SLC25A26: variants seen among roughly 807,000 people sequenced by gnomAD.
SLC25A26 encodes the protein solute carrier family 25 member 26.
In SLC25A26, 36 loss-of-function variants were observed where a neutral mutation model predicts 37.8. That is an observed-to-expected ratio of 0.95 (90% CI 0.73 to 1.26). SLC25A26 has a LOEUF of 1.26. SLC25A26 is among the 50% of genes most tolerant of loss of function. The probability of loss-of-function intolerance (pLI) is 0.00; values close to 1 mark genes in which losing one functional copy is unlikely to be tolerated. For missense variants in SLC25A26, 390 were observed against 331.1 expected (o/e 1.18, Z -1.38); for synonymous variants, 129 against 122.5 (o/e 1.05, Z -0.35).
At chr3:66,373,675 A>ATT (rs11316750) in intron 9 of SLC25A26, among the ~76,000 whole-genome samples, 4 of 143,882 alleles carry the variant, frequency 2.8e-5, no homozygotes, top group African/African-American at 1.0e-4. Context: ...CATGATGCTG[A>ATT]TTTTTTTTTT....
At chr3:66,297,476 T>G (rs2074942358) in intron 5 of SLC25A26, among the ~76,000 whole-genome samples, 1 of 152,264 alleles carries the variant, frequency 6.6e-6, no homozygotes, top group South Asian at 2.1e-4. Flanking sequence ...TATCAAAATA[T>G]TACTATAACA....
intron 5 of SLC25A26, among the ~76,000 whole-genome samples, chr3:66,329,648 A>G (rs900990394): frequency 6.6e-6 from 1 of 152,220 alleles, no homozygotes; most frequent in African/African-American, 2.4e-5. Flanking sequence ...AATTGAAAGA[A>G]GAAAGGCACT....
At chr3:66,319,658 T>G (rs1306727227) in intron 5 of SLC25A26, among the ~76,000 whole-genome samples, 1 of 151,838 alleles carries the variant, frequency 6.6e-6, no homozygotes, top group African/African-American at 2.4e-5. Context: ...ATGTAAATAC[T>G]GTAGACAAAA....
At chr3:66,182,517 TAG>T (rs1227003476) in intron 1 of SLC25A26, among the ~76,000 whole-genome samples, 2 of 152,092 alleles carry the variant, frequency 1.3e-5, no homozygotes, top group African/African-American at 4.8e-5. Flanking sequence ...CACTGTTTCA[TAG>T]AGTCTTCAGA....
At chr3:66,144,683 C>A (rs755560033) in intron 1 of SLC25A26, among the ~76,000 whole-genome samples, 1 of 152,152 alleles carries the variant, frequency 6.6e-6, no homozygotes, top group Non-Finnish European at 1.5e-5. Context: ...AAGGAGGTTG[C>A]ACCGAGGCTG....
chr3:66,366,541 T>C (rs1448479368), intron 7 of SLC25A26, among the ~76,000 whole-genome samples: 1 of 152,230 alleles, frequency 6.6e-6, no homozygotes, highest in Non-Finnish European at 1.5e-5. Context: ...CATGTTTCTG[T>C]CTGTAACTTT....
chr3:66,221,155 C>T, intron 1 of SLC25A26, 28 bp downstream of exon 1: 3 of 1,500,448 alleles, frequency 2.0e-6, no homozygotes, highest in Admixed American at 4.8e-5. Context: ...GGGTGGGTTG[C>T]TCAGAGTGCC....
At chr3:66,186,712 C>G (rs2070835567) in intron 1 of SLC25A26, among the ~76,000 whole-genome samples, 1 of 152,038 alleles carries the variant, frequency 6.6e-6, no homozygotes, top group East Asian at 1.9e-4. Flanking sequence ...CATCCTTACT[C>G]TTACCCTGAG....
intron 1 of SLC25A26, among the ~76,000 whole-genome samples, chr3:66,182,511 G>A (rs990914431): frequency 1.3e-5 from 2 of 152,078 alleles, no homozygotes; most frequent in African/African-American, 4.8e-5. Flanking sequence ...GGAAAACACT[G>A]TTTCATAGAG....
chr3:66,246,430 A>G (rs1261758034), intron 3 of SLC25A26, among the ~76,000 whole-genome samples: 1 of 152,194 alleles, frequency 6.6e-6, no homozygotes, highest in Non-Finnish European at 1.5e-5. Flanking sequence ...TCTCATGTTA[A>G]TCATACATCT....
chr3:66,194,667 C>G (rs1456212420), intron 1 of SLC25A26, among the ~76,000 whole-genome samples: 2 of 152,200 alleles, frequency 1.3e-5, no homozygotes, highest in Non-Finnish European at 2.9e-5. Flanking sequence ...TGCAATGGCA[C>G]GATCTCGGCT....
intron 5 of SLC25A26, among the ~76,000 whole-genome samples, chr3:66,267,621 CAAAT>C (rs2073804010): frequency 6.6e-6 from 1 of 152,158 alleles, no homozygotes; most frequent in African/African-American, 2.4e-5. Context: ...ATTTTAATAA[CAAAT>C]AACTCCTGGT....
intron 9 of SLC25A26, among the ~76,000 whole-genome samples, chr3:66,376,082 C>T (rs1315781838): frequency 2.0e-5 from 3 of 149,430 alleles, no homozygotes; most frequent in Non-Finnish European, 3.0e-5. Flanking sequence ...GCAAGACCAC[C>T]GTAGTCAGAA....
At chr3:66,355,899 G>A in intron 6 of SLC25A26, 1 of 419,506 alleles carries the variant, frequency 2.4e-6, no homozygotes, top group South Asian at 1.8e-5. Context: ...AAAAAACTAA[G>A]CATTATCCTT....
At chr3:66,221,423 T>C (rs1451068267) in intron 1 of SLC25A26, among the ~76,000 whole-genome samples, 1 of 152,194 alleles carries the variant, frequency 6.6e-6, no homozygotes, top group Non-Finnish European at 1.5e-5. Flanking sequence ...TAACTACTCT[T>C]TCATTAAATA....
rs1413714739 is a variant in SLC25A26, at chr3:66,175,140, T to TATATAC, written c.-354+41157_-354+41158insTATACA. ...ATATATATATATATATATATATATA[T>TATATAC]ACACACACACACACACACACATTAT... On this transcript the variant is annotated intron_variant, in intron 1 of 10. Transcript: ENST00000676754. 5.8e-4 allele frequency among the ~76,000 whole-genome samples: 39 copies of TATATAC among 67,004 alleles called. No homozygotes were observed. The South Asian group carries it at 6.7e-3, about 12-fold the overall frequency. 44.0% of individuals were successfully genotyped at this position (67,004 alleles called of 152,430 possible). A position where few individuals can be genotyped will look rare whatever the true frequency, so the allele number is the denominator to read the frequency against.
At chr3:66,214,629 T>C (rs1400723253) in intron 1 of SLC25A26, among the ~76,000 whole-genome samples, 7 of 152,334 alleles carry the variant, frequency 4.6e-5, no homozygotes, top group Admixed American at 4.6e-4. Context: ...ACTTTTGTGA[T>C]CTTTACTCAT....
At chr3:66,291,447 T>A (rs2074704106) in intron 5 of SLC25A26, among the ~76,000 whole-genome samples, 1 of 152,228 alleles carries the variant, frequency 6.6e-6, no homozygotes, top group Non-Finnish European at 1.5e-5. Flanking sequence ...TTTAGTGCTA[T>A]AAATATGCGT....
rs75415671 is a variant in SLC25A26 at position 66,363,940 on chromosome 3, T to G, written c.568+1011T>G. 2.3e-3 allele frequency among the ~76,000 whole-genome samples: 345 copies of G among 152,258 alleles called. 1 individual carries two copies. The highest frequency in any genetic ancestry group is 3.9e-3 in the Non-Finnish European group (266 of 68,026). On this transcript the variant is annotated intron_variant, in intron 7 of 9. Transcript: ENST00000354883. ...TCGTTTCCACATGACACATAGTCAT[T>G]AGCTGTGTTAAATAAGTAGGTGGTC...
Sources: allele counts gnomAD v4.1 joint callset (sites outside exome capture counted in the v4.1 genomes callset), GRCh38; gene constraint gnomAD v4.1.1; transcripts MANE v1.5; gene names NCBI Gene and HGNC (gene_info 2026-07-23, HGNC 2026-07-21).